MAP1LC3B: variants seen among roughly 807,000 people sequenced by gnomAD.
The protein encoded by MAP1LC3B is microtubule associated protein 1 light chain 3 beta.
MAP1LC3B carries 12 observed loss-of-function variants against 16.7 expected under a neutral mutation model. That is an observed-to-expected ratio of 0.72 (90% CI 0.46 to 1.16). MAP1LC3B has a LOEUF of 1.16. Ranked by LOEUF, MAP1LC3B falls within the 50% of genes most tolerant of loss-of-function variation. The pLI, the probability that MAP1LC3B is intolerant of heterozygous loss-of-function variation, is 0.00. For missense variants in MAP1LC3B, 155 were observed against 159.5 expected (o/e 0.97, Z 0.15); for synonymous variants, 63 against 56.5 (o/e 1.11, Z -0.51).
rs1398192838 is a variant in MAP1LC3B at position 87,398,668 on chromosome 16, T to C, written c.41-147T>C. 7 of 704,766 alleles carry C rather than the reference T, an allele frequency of 9.9e-6. No homozygotes were observed. The East Asian group carries it at 1.8e-4, about 18-fold the overall frequency. The allele number at this position is 704,766 out of a possible 1,614,324, so 43.7% of individuals were successfully genotyped here. A position where few individuals can be genotyped will look rare whatever the true frequency, so the allele number is the denominator to read the frequency against. ...CTTTATCAGGTTTGAAGTGTTCGTG[T>C]TTTGTTTCTTTAAGTCCTAGGAAAG... On this transcript the variant is annotated intron_variant, in intron 1 of 3. Transcript: ENST00000268607.
At chr16:87,395,768 T>C (rs1907776105) in intron 1 of MAP1LC3B, among the ~76,000 whole-genome samples, 1 of 152,110 alleles carries the variant, frequency 6.6e-6, no homozygotes, top group African/African-American at 2.4e-5. Context: ...GGTCGTGTTT[T>C]GGGAATAAAT....
At position 87,403,105 on chromosome 16, in the gene MAP1LC3B, A is replaced by G. The variant is rs145616552; in HGVS notation, c.*8A>G. On this transcript the variant is annotated 3_prime_UTR_variant, in exon 4 of 4. Transcript: ENST00000268607. ...ATGAAATTGTCAGTGTAAAACCAGA[A>G]AAAATGCAGCTCTTCTAGAATTGTT... 5,128 of 1,586,028 alleles carry G rather than the reference A, an allele frequency of 3.2e-3. 167 individuals are homozygous for G. The African/African-American group carries it at 0.062, about 19-fold the overall frequency.
chr16:87,401,492 T>TA (rs1287567447), intron 2 of MAP1LC3B, among the ~76,000 whole-genome samples: 3 of 152,230 alleles, frequency 2.0e-5, no homozygotes, highest in Non-Finnish European at 4.4e-5. Flanking sequence ...ATGTGCCAGT[T>TA]AGACTGTAGG....
At chr16:87,394,279 TAAAAA>T (rs11403697) in intron 1 of MAP1LC3B, among the ~76,000 whole-genome samples, 1 of 149,756 alleles carries the variant, frequency 6.7e-6, no homozygotes, top group African/African-American at 2.4e-5. Flanking sequence ...TTTTGGTAAT[TAAAAA>T]AAAAAATCTT....
intron 1 of MAP1LC3B, among the ~76,000 whole-genome samples, chr16:87,398,357 A>T (rs753941098): frequency 6.6e-6 from 1 of 152,226 alleles, no homozygotes; most frequent in Non-Finnish European, 1.5e-5. Context: ...GCACCATATC[A>T]TTAAAAAGCT....
intron 2 of MAP1LC3B, among the ~76,000 whole-genome samples, chr16:87,400,555 C>G (rs1429560882): frequency 6.6e-6 from 1 of 152,124 alleles, no homozygotes; most frequent in African/African-American, 2.4e-5. Flanking sequence ...ATGCACAAAA[C>G]TTTGTCTCTA....
At chr16:87,401,691 G>T (rs536602608) in intron 2 of MAP1LC3B, among the ~76,000 whole-genome samples, 1 of 152,140 alleles carries the variant, frequency 6.6e-6, no homozygotes, top group South Asian at 2.1e-4. Flanking sequence ...CACCACACCT[G>T]GATAATTTTT....
chr16:87,401,753 C>T (rs1908000642), intron 2 of MAP1LC3B, among the ~76,000 whole-genome samples: 1 of 151,912 alleles, frequency 6.6e-6, no homozygotes, highest in African/African-American at 2.4e-5. Context: ...TGGTCTCGAA[C>T]TCCTGACCTC....
At chr16:87,400,355 AT>A (rs1432868780) in intron 2 of MAP1LC3B, 1 of 150,366 alleles carries the variant, frequency 6.7e-6, no homozygotes, top group African/African-American at 2.5e-5. Context: ...TTTTTTTTGT[AT>A]TTTTAGTAGA....
Position 87,392,455 on chromosome 16 carries a change from C to T in MAP1LC3B, c.28C>T (p.Arg10Cys). Residue 10 changes from arginine (R) to cysteine (C), a missense_variant, in exon 1 of 4, where the codon CGC (arginine) becomes TGC (cysteine). Physicochemically the swap from Arg to Cys is radical, Grantham distance 180 (BLOSUM62 -3). Coordinates refer to ENST00000268607, the MANE Select transcript of MAP1LC3B (RefSeq NM_022818.5). MPSEKTFKQ[R>C]RTFEQRVEDV... ...GCCGTCGGAGAAGACCTTCAAGCAG[C>T]GCCGCACCTTCGGTGAGTGTCGCCG... The T allele has an allele frequency of 5.1e-6, 7 of 1,372,488 alleles. No homozygotes were observed. Among genetic ancestry groups the T allele is most frequent in the Non-Finnish European group, 1.9e-6 (2 of 1,071,266 alleles). 85.0% of individuals were successfully genotyped at this position (1,372,488 alleles called of 1,614,324 possible). A position where few individuals can be genotyped will look rare whatever the true frequency, so the allele number is the denominator to read the frequency against.
In MAP1LC3B at chr16:87,402,138, A is replaced by T. The variant is rs761826131; in HGVS notation, c.97-37A>T. 3.7e-6 allele frequency: 6 copies of T among 1,611,876 alleles called. No individual in the cohort carries two copies. In the East Asian group the frequency reaches 1.1e-4, roughly 30 times the overall value. On this transcript the variant is annotated intron_variant, in intron 2 of 3. Transcript: ENST00000268607. Reference sequence around the variant, plus strand: ...GTGTGAGCCACCGCGCCTGGCCCTGATGACTATTTTAAAATCACTTCTGGC... The same window carrying T: ...GTGTGAGCCACCGCGCCTGGCCCTGTTGACTATTTTAAAATCACTTCTGGC...
chr16:87,399,529 T>A (rs1907913818), intron 2 of MAP1LC3B: 6 of 442,832 alleles, frequency 1.4e-5, no homozygotes, highest in South Asian at 9.6e-5. Flanking sequence ...CAAATAAGCA[T>A]TTTTCTTTCC....
At chr16:87,397,486 C>T (rs569059551) in intron 1 of MAP1LC3B, among the ~76,000 whole-genome samples, 7 of 152,138 alleles carry the variant, frequency 4.6e-5, no homozygotes, top group African/African-American at 1.4e-4. Context: ...AGCATGGTGT[C>T]GGGTGCCTGT....
At position 87,404,460 on chromosome 16, in the gene MAP1LC3B, G is replaced by GTT. The variant is rs1908105621; in HGVS notation, c.*1364_*1365dup. On this transcript the variant is annotated 3_prime_UTR_variant, in exon 4 of 4. Coordinates refer to ENST00000268607, the MANE Select transcript of MAP1LC3B (RefSeq NM_022818.5). The stretch of plus-strand genomic sequence containing the variant: ...TTTGCATCTGGGCCCTCTACTGATT[G>GTT]TTAAAGGAGTTCCTGTCACCTGCTC... 1 of 152,130 alleles carries GTT rather than the reference G, an allele frequency of 6.6e-6. No homozygotes were observed. Among genetic ancestry groups the GTT allele is most frequent in the Non-Finnish European group, 1.5e-5 (1 of 68,042 alleles). The allele number at this position is 152,130 out of a possible 1,614,324, so 9.4% of individuals were successfully genotyped here.
At position 87,395,852 on chromosome 16, in the gene MAP1LC3B, CTTTTTTTTTTTTTT is replaced by C. The variant is rs72388667; in HGVS notation, c.41-2950_41-2937del. On this transcript the variant is annotated intron_variant, in intron 1 of 3. Coordinates refer to ENST00000268607, the MANE Select transcript of MAP1LC3B (RefSeq NM_022818.5). ...ATAGAGCCTGTTTTTTCCTTCTTTCCTTTTTTTTTTTTTTTTTTTTTTTTTTGAGACAGGATCTC... is the reference window on the plus strand; with the variant it reads ...ATAGAGCCTGTTTTTTCCTTCTTTCCTTTTTTTTTTTTGAGACAGGATCTC... 9.3e-5 allele frequency among the ~76,000 whole-genome samples: 5 copies of C among 53,844 alleles called. No homozygotes were observed. The South Asian group carries it at 3.2e-3, about 34-fold the overall frequency. The allele number at this position is 53,844 out of a possible 152,430, so 35.3% of individuals were successfully genotyped here.
chr16:87,402,367 G>T, intron 3 of MAP1LC3B, 86 bp downstream of exon 3: 6 of 1,250,862 alleles, frequency 4.8e-6, no homozygotes, highest in South Asian at 4.6e-5. Context: ...CTTTAGTTCT[G>T]GTTAAAATCT....
intron 2 of MAP1LC3B, among the ~76,000 whole-genome samples, chr16:87,401,722 G>A (rs1336596260): frequency 6.6e-6 from 1 of 152,090 alleles, no homozygotes; most frequent in Non-Finnish European, 1.5e-5. Context: ...TAGAGTCGGG[G>A]TTTTGCCATG....
At chr16:87,402,348 C>T (rs764498559) in intron 3 of MAP1LC3B, 67 bp downstream of exon 3, 25 of 1,424,220 alleles carry the variant, frequency 1.8e-5, no homozygotes, top group Non-Finnish European at 2.0e-5. Flanking sequence ...ATGAAACTTA[C>T]AGTTAAATCT....
At chr16:87,398,905 T>G (rs762872669) in intron 2 of MAP1LC3B, 35 bp downstream of exon 2, 1 of 1,591,986 alleles carries the variant, frequency 6.3e-7, no homozygotes, top group South Asian at 1.1e-5. Flanking sequence ...CAGTCATGAA[T>G]GTACGCAGAG....
Sources: allele counts gnomAD v4.1 joint callset (sites outside exome capture counted in the v4.1 genomes callset), GRCh38; gene constraint gnomAD v4.1.1; transcripts MANE v1.5; gene names NCBI Gene and HGNC (gene_info 2026-07-23, HGNC 2026-07-21).